The following SETD1B variants were observed in gnomAD, a reference collection of about 807,000 sequenced individuals.
SETD1B encodes the protein SET domain containing 1B, histone lysine methyltransferase.
SETD1B carries 7 observed loss-of-function variants against 148.0 expected under a neutral mutation model. The ratio of observed to expected loss-of-function variants is 0.05; its 90% CI spans 0.03 to 0.09. The LOEUF (loss-of-function observed/expected upper bound fraction) is 0.09. Ranked by LOEUF, SETD1B falls within the 10% of genes least tolerant of loss-of-function variation. SETD1B has a pLI of 1.00. For missense variants in SETD1B, 2,155 were observed against 2,729.9 expected, an observed-to-expected ratio of 0.79 and a Z score of 4.69; for synonymous variants, 1,361 against 1,186.5, an observed-to-expected ratio of 1.15 and a Z score of -3.02.
At chr12:121,803,291 G>C (rs1390316423), upstream of SETD1B, 12 of 152,282 alleles carry the variant, frequency 7.9e-5, no homozygotes. The surrounding 1 kb of genome is among the most constrained non-coding windows in gnomAD (Gnocchi z 4.7). Context: ...ATGCAAAAAA[G>C]GGGGACTCTC....
Position 121,823,509 on chromosome 12 carries a change from C to A in SETD1B, c.4930C>A (p.Arg1644=). ...GGCCAAGAGCCGGGGGCCGTGGCGC[C>A]GGCCACCTAAGAAGCGCCATGAGGA... ...ELAKSRGPWR[R]PPKKRHEDLV... The change falls in exon 12 of 17, where the codon CGG becomes AGG. Residue 1644 remains arginine, a synonymous_variant. Transcript: ENST00000604567. 1 of 1,550,772 alleles carries A rather than the reference C, an allele frequency of 6.4e-7. No homozygotes were observed. Among genetic ancestry groups the A allele is most frequent in the Non-Finnish European group, 8.7e-7 (1 of 1,146,882 alleles).
In SETD1B at chr12:121,825,169, A is replaced by G. The variant is rs1178220354; in HGVS notation, c.5171-31A>G. On this transcript the variant is annotated intron_variant, in intron 12 of 16. Transcript: ENST00000604567. ...TGAAGGGACCAGAAGGGGCTCTCAG[A>G]ATGTCCATGTGGCCCTTGACCCACA... 5.8e-6 allele frequency: 9 copies of G among 1,548,812 alleles called. No individual in the cohort carries two copies. The Admixed American group carries it at 1.6e-4, about 27-fold the overall frequency.
chr12:121,813,972 C>A, intron 6 of SETD1B, 134 bp from the exon 7 acceptor site: 1 of 672,002 alleles, frequency 1.5e-6, no homozygotes, highest in Non-Finnish European at 2.5e-6. Context: ...GACGCTGAGG[C>A]TTGGAGAGGC....
In SETD1B at chr12:121,817,461, G is replaced by A. The variant is rs755156676; in HGVS notation, c.3069G>A (p.Pro1023=). 46 of 1,548,108 alleles carry A rather than the reference G, an allele frequency of 3.0e-5. No homozygotes were observed. Among genetic ancestry groups the A allele is most frequent in the East Asian group, 7.3e-5 (3 of 40,820 alleles). The change falls in exon 9 of 17, where the codon CCG becomes CCA. Residue 1023 remains proline, a synonymous_variant. Transcript: ENST00000604567. The surrounding 1 kb of genome is among the most constrained non-coding windows in gnomAD (Gnocchi z 8.1). ...DPKGVGVRRR[P]ARPLELDSGG... is the part of the protein sequence containing the mutation. ...AGGGCGTGGGTGTGCGGCGGCGGCC[G>A]GCGCGGCCTCTGGAGCTGGACAGTG...
chr12:121,814,061 G>A, intron 6 of SETD1B, 45 bp from the exon 7 acceptor site: 1 of 1,483,276 alleles, frequency 6.7e-7, no homozygotes, highest in Non-Finnish European at 9.1e-7. Flanking sequence ...AGAGCCCCTT[G>A]GCCTTCCAGA....
intron 4 of SETD1B, among the ~76,000 whole-genome samples, chr12:121,807,501 A>G (rs1217826103): frequency 6.6e-6 from 1 of 152,020 alleles, no homozygotes; most frequent in African/African-American, 2.4e-5. Context: ...AAGCCCTCAG[A>G]GACTGCCAAC....
chr12:121,799,717 T>TGGGGGGGGGGGGGGGGGGGGGG (rs1456064145), upstream of SETD1B: 15 of 19,132 alleles, frequency 7.8e-4, 1 homozygote, highest in Admixed American at 2.4e-3. Flanking sequence ...CGCTCGCAGC[T>TGGGGGGGGGGGGGGGGGGGGGG]GGGGGGGGGG....
intron 13 of SETD1B, 62 bp downstream of exon 13, chr12:121,825,428 A>ACCC: frequency 6.8e-7 from 1 of 1,478,864 alleles, no homozygotes; most frequent in Non-Finnish European, 9.1e-7. Flanking sequence ...GATCCAGGGC[A>ACCC]CTCATGGAGG....
chr12:121,812,663 G>C (rs1232293173), intron 6 of SETD1B, among the ~76,000 whole-genome samples: 1 of 152,182 alleles, frequency 6.6e-6, no homozygotes, highest in Non-Finnish European at 1.5e-5. Flanking sequence ...GCTCGGCTCT[G>C]TCCAGGACTG....
Position 121,819,863 on chromosome 12 carries a change from C to T in SETD1B, c.3878C>T (p.Ala1293Val), listed in dbSNP as rs1876485013. Residue 1293 changes from alanine (A) to valine (V), a missense_variant, in exon 11 of 17, where the codon GCT becomes GTT. Ala to Val is a moderately conservative substitution (Grantham distance 64, BLOSUM62 0). Coordinates refer to ENST00000604567, the MANE Select transcript of SETD1B (RefSeq NM_001353345.2). ...GAGCCCCCTGCCAAGGAGGTGGAGGCTCGACCCCCATTGTCCCCTGAGCGA... is the reference window on the plus strand; with the variant it reads ...GAGCCCCCTGCCAAGGAGGTGGAGGTTCGACCCCCATTGTCCCCTGAGCGA... ...SPEPPAKEVE[A>V]RPPLSPERAP... 4 of 1,551,106 alleles carry T rather than the reference C, an allele frequency of 2.6e-6. No homozygotes were observed. The highest frequency in any genetic ancestry group is 1.4e-5 in the African/African-American group (1 of 73,032).
chr12:121,805,709 T>C lies in SETD1B; in HGVS notation c.274-126T>C. On this transcript the variant is annotated intron_variant, in intron 3 of 16. Coordinates refer to ENST00000604567, the MANE Select transcript of SETD1B (RefSeq NM_001353345.2). This position sits in a 1 kb window ranked among gnomAD's most constrained non-coding sequence, Gnocchi z 4.2. ...AAAAAATTTTTTTTTTTTTTTTAAT[T>C]TTTAGTTTTTTTACCCTTTATTGTT... The C allele has an allele frequency of 5.7e-6, 5 of 882,188 alleles. No homozygotes were observed. Among genetic ancestry groups the C allele is most frequent in the African/African-American group, 1.8e-5 (1 of 57,066 alleles). The allele number at this position is 882,188 out of a possible 1,614,324, so 54.6% of individuals were successfully genotyped here.
rs1417732347 is a variant in SETD1B, at chr12:121,810,296, C to A, written c.1351C>A (p.Pro451Thr). The A allele has an allele frequency of 6.5e-7, 1 of 1,543,154 alleles. No homozygotes were observed. The highest frequency in any genetic ancestry group is 1.2e-5 in the South Asian group (1 of 83,972). Residue 451 changes from proline to threonine, a missense_variant, in exon 6 of 17, where the codon CCA (proline) becomes ACA (threonine). By Grantham distance (38) the Pro-to-Thr change is conservative (BLOSUM62 -1). This residue lies in a region of SETD1B where 376 missense variants were observed against 385.0 expected (regional missense o/e 0.98). Coordinates refer to ENST00000604567, the MANE Select transcript of SETD1B (RefSeq NM_001353345.2). The surrounding 1 kb of genome is among the most constrained non-coding windows in gnomAD (Gnocchi z 7.6). ...EPLAKEKPGT[P>T]PGPPPPDTNS... ...TCTGGCCAAGGAGAAGCCAGGCACGCCACCCGGCCCGCCGCCCCCCGACAC... is the reference window on the plus strand; with the variant it reads ...TCTGGCCAAGGAGAAGCCAGGCACGACACCCGGCCCGCCGCCCCCCGACAC...
the SETD1B span, chr12:121,793,054 A>C: frequency 1.9e-6 from 2 of 1,059,376 alleles, no homozygotes; most frequent in East Asian, 2.6e-5. Flanking sequence ...AGGCCCTGCC[A>C]AGGCTGCAGG....
At chr12:121,793,864 C>A in the SETD1B span, 2 of 412,110 alleles carry the variant, frequency 4.9e-6, no homozygotes, top group South Asian at 5.7e-5. Context: ...AAAAACGGGG[C>A]TCAGCTGCGA....
Position 121,809,972 on chromosome 12 carries a change from A to G in SETD1B, c.1027A>G (p.Thr343Ala), listed in dbSNP as rs201472996. 1.9e-6 allele frequency: 3 copies of G among 1,550,820 alleles called. No individual in the cohort carries two copies. Among genetic ancestry groups the G allele is most frequent in the East Asian group, 2.4e-5 (1 of 40,906 alleles). Residue 343 changes from threonine (T) to alanine (A), a missense_variant, in exon 6 of 17, where the codon ACA (threonine) becomes GCA (alanine). Transcript: ENST00000604567. The part of the protein sequence containing the change: ...SPAVTAVAGA[T>A]AAFRGSSDLP... ...CGCGGTCACTGCGGTGGCCGGGGCC[A>G]CAGCCGCTTTCCGGGGTTCCTCGGA... is the stretch of plus-strand genomic sequence containing the variant.
At position 121,817,693 on chromosome 12, in the gene SETD1B, A is replaced by G; in HGVS notation, c.3301A>G (p.Thr1101Ala). 1 of 1,547,060 alleles carries G rather than the reference A, an allele frequency of 6.5e-7. No individual in the cohort carries two copies. Among genetic ancestry groups the G allele is most frequent in the Non-Finnish European group, 8.7e-7 (1 of 1,143,710 alleles). The change falls in exon 9 of 17, where the codon ACA becomes GCA. Residue 1101 changes from threonine (T) to alanine (A), a missense_variant. Thr to Ala is a moderately conservative substitution (Grantham distance 58). Transcript: ENST00000604567. This position sits in a 1 kb window ranked among gnomAD's most constrained non-coding sequence, Gnocchi z 8.1. ...GCTCTCCTCCTCCTCAACCTCATCCACATCAGATAAGGTGCCTAGCAGGCC... is the reference window on the plus strand; with the variant it reads ...GCTCTCCTCCTCCTCAACCTCATCCGCATCAGATAAGGTGCCTAGCAGGCC... ...SQLSSSSTSSTSDKDDDDDDS... is the reference protein window; with the variant it reads ...SQLSSSSTSSASDKDDDDDDS...
At chr12:121,826,741 C>A (rs7138525) in intron 13 of SETD1B, among the ~76,000 whole-genome samples, 1 of 151,678 alleles carries the variant, frequency 6.6e-6, no homozygotes, top group South Asian at 2.1e-4. Context: ...AGCTGGGCCG[C>A]GAGGAGCCAT....
At position 121,822,930 on chromosome 12, in the gene SETD1B, C is replaced by A; in HGVS notation, c.4351C>A (p.Pro1451Thr). The A allele has an allele frequency of 6.5e-7, 1 of 1,529,410 alleles. No homozygotes were observed. The highest frequency in any genetic ancestry group is 8.8e-7 in the Non-Finnish European group (1 of 1,135,226). The allele number at this position is 1,529,410 out of a possible 1,614,324, so 94.7% of individuals were successfully genotyped here. ...GPLLLPVCPL[P>T]TGRRDERSGP... is the part of the protein sequence containing the mutation. ...CTTGCTCCTGCCCGTCTGCCCACTCCCCACTGGCCGACGCGATGAACGCTC... is the reference window on the plus strand; with the variant it reads ...CTTGCTCCTGCCCGTCTGCCCACTCACCACTGGCCGACGCGATGAACGCTC... The change falls in exon 12 of 17, where the codon CCC becomes ACC. Residue 1451 changes from proline (P) to threonine (T), a missense_variant. Pro to Thr is a conservative substitution (Grantham distance 38). Coordinates refer to ENST00000604567, the MANE Select transcript of SETD1B (RefSeq NM_001353345.2).
upstream of SETD1B, chr12:121,799,717 T>G (rs1359621295): frequency 5.2e-5 from 1 of 19,136 alleles, no homozygotes; most frequent in African/African-American, 1.7e-4. Flanking sequence ...CGCTCGCAGC[T>G]GGGGGGGGGG....
Sources: gnomAD v4.1 joint callset for allele counts (sites outside exome capture counted in the v4.1 genomes callset) on GRCh38, gnomAD v4.1.1 for gene constraint, gnomAD v4.1.1 regional missense constraint, Gnocchi (gnomAD v3.1) non-coding constraint, MANE v1.5 for transcripts, NCBI Gene and HGNC (gene_info 2026-07-23, HGNC 2026-07-21) for gene names.